Variants in ZSCAN5A observed in about 807,000 individuals in gnomAD.
ZSCAN5A encodes zinc finger and SCAN domain-containing protein 5A.
A neutral mutation model predicts 23.7 loss-of-function variants in ZSCAN5A; 12 were observed. The ratio of observed to expected loss-of-function variants is 0.51; its 90% CI spans 0.32 to 0.82. The LOEUF is 0.82. Ranked by LOEUF, ZSCAN5A falls within the 40% of genes least tolerant of loss-of-function variation. ZSCAN5A has a pLI of 0.03. For missense variants in ZSCAN5A, 597 were observed against 617.9 expected (o/e 0.97, Z 0.36); for synonymous variants, 257 against 239.9 (o/e 1.07, Z -0.66).
intron 2 of ZSCAN5A, among the ~76,000 whole-genome samples, chr19:56,264,353 C>G (rs944709532): frequency 5.3e-5 from 8 of 152,126 alleles, no homozygotes; most frequent in African/African-American, 1.9e-4. Flanking sequence ...GGGATTTACA[C>G]CTGGATCTGA....
At chr19:56,246,809 C>T in intron 2 of ZSCAN5A, 1 of 1,610,780 alleles carries the variant, frequency 6.2e-7, no homozygotes, top group Non-Finnish European at 8.5e-7. Context: ...GACACACCTT[C>T]TGCCTGCGTT....
In ZSCAN5A at chr19:56,346,258, G is replaced by T. The variant is rs1227152136; in HGVS notation, c.-358+16977C>A. Among the ~76,000 whole-genome samples the T allele has an allele frequency of 2.0e-5, 3 of 151,898 alleles. No individual in the cohort carries two copies. The East Asian group carries it at 5.8e-4, about 29-fold the overall frequency. ...CAAAAAACATTTAAGCAAAACAAAT[G>T]ATCACACAACTTATATGATTATGGA... On this transcript the variant is annotated intron_variant, in intron 2 of 6. Transcript: ENST00000587340.
At chr19:56,226,935 A>G (rs1275691865) in intron 2 of ZSCAN5A, among the ~76,000 whole-genome samples, 1 of 152,242 alleles carries the variant, frequency 6.6e-6, no homozygotes, top group African/African-American at 2.4e-5. Flanking sequence ...ATTACAAAAA[A>G]AAATTTAAAA....
intron 2 of ZSCAN5A, among the ~76,000 whole-genome samples, chr19:56,280,082 T>A (rs1444406940): frequency 6.6e-6 from 1 of 152,226 alleles, no homozygotes; most frequent in Non-Finnish European, 1.5e-5. Context: ...ATATTAATTA[T>A]TTCTTCCAGA....
chr19:56,260,910 T>C (rs939069611), intron 2 of ZSCAN5A, among the ~76,000 whole-genome samples: 2 of 152,156 alleles, frequency 1.3e-5, no homozygotes, highest in Admixed American at 6.6e-5. Context: ...ACTCATTTTA[T>C]AGAAATGGAA....
rs967193001 is a variant in ZSCAN5A at position 56,355,485 on chromosome 19, C to T, written c.-358+7750G>A. ...TTTTTTCCCAATTTTTACTGTTTTA[C>T]ACTGACTTAGCTGATGCTTAAAACA... On this transcript the variant is annotated intron_variant, in intron 2 of 6. Transcript: ENST00000587340. 4.1e-4 allele frequency among the ~76,000 whole-genome samples: 61 copies of T among 148,680 alleles called. 8 individuals are homozygous for T. Among genetic ancestry groups the T allele is most frequent in the African/African-American group, 1.5e-3 (58 of 39,512 alleles).
intron 2 of ZSCAN5A, among the ~76,000 whole-genome samples, chr19:56,303,806 CCGGG>C (rs2040500688): frequency 8.2e-6 from 1 of 121,742 alleles, no homozygotes; most frequent in Admixed American, 8.1e-5. Flanking sequence ...GCAGCCTTCC[CCGGG>C]CAGGTAACGT....
At chr19:56,263,328 A>G (rs1417511143) in intron 2 of ZSCAN5A, 1 of 152,210 alleles carries the variant, frequency 6.6e-6, no homozygotes, top group Admixed American at 6.5e-5. Context: ...TGTGCCAGGA[A>G]CATGTTATGT....
At chr19:56,365,708 T>C (rs961196655) in intron 1 of ZSCAN5A, 4 of 152,216 alleles carry the variant, frequency 2.6e-5, no homozygotes, top group African/African-American at 9.6e-5. Flanking sequence ...CAGAGAATGA[T>C]AACTTACCAG....
chr19:56,292,022 A>G (rs920175433), intron 2 of ZSCAN5A, among the ~76,000 whole-genome samples: 7 of 152,206 alleles, frequency 4.6e-5, no homozygotes, highest in Admixed American at 1.3e-4. Context: ...TATAAAGGTT[A>G]GGTAACTAGA....
intron 2 of ZSCAN5A, among the ~76,000 whole-genome samples, chr19:56,252,904 G>A (rs1019258329): frequency 6.6e-6 from 1 of 152,218 alleles, no homozygotes; most frequent in African/African-American, 2.4e-5. Flanking sequence ...CCCCATTCAC[G>A]TGGGGCTGAC....
At chr19:56,240,582 G>T (rs2163853) in intron 2 of ZSCAN5A, among the ~76,000 whole-genome samples, 92,079 of 151,992 alleles carry the variant, frequency 0.61, 28,325 homozygotes, top group Middle Eastern at 0.73. Flanking sequence ...GAGCTGGCAT[G>T]CAGGGGGGTT....
intron 2 of ZSCAN5A, among the ~76,000 whole-genome samples, chr19:56,286,040 G>C (rs2039090570): frequency 6.6e-6 from 1 of 152,080 alleles, no homozygotes; most frequent in African/African-American, 2.4e-5. Context: ...TATTTATTTA[G>C]AGACGGAGTC....
At chr19:56,302,806 CCT>C (rs1158293708) in intron 2 of ZSCAN5A, 7 of 398,544 alleles carry the variant, frequency 1.8e-5, no homozygotes, top group Admixed American at 4.4e-5. Flanking sequence ...ACTCATTCTG[CCT>C]CTCTCTCTGC....
chr19:56,279,469 TGAAAG>T (rs2038517896), intron 2 of ZSCAN5A, among the ~76,000 whole-genome samples: 1 of 152,168 alleles, frequency 6.6e-6, no homozygotes, highest in African/African-American at 2.4e-5. Context: ...TATTTCAGGT[TGAAAG>T]GAGATAAAAG....
intron 2 of ZSCAN5A, chr19:56,246,991 T>TA (rs759427824): frequency 2.3e-6 from 3 of 1,317,672 alleles, no homozygotes; most frequent in South Asian, 1.2e-5. Flanking sequence ...AAATTCAGTT[T>TA]ATTCCCCAGG....
rs895383954 is a variant in ZSCAN5A, at chr19:56,234,507, A to G, written c.-127-9334T>C. The stretch of plus-strand genomic sequence containing the variant: ...ACTCAATACCTGTTTTAAAAAAAAA[A>G]CAACAAGGAAGTAAAACCAAAGACA... On this transcript the variant is annotated intron_variant, in intron 2 of 5. Coordinates refer to ENST00000683990, the MANE Select transcript of ZSCAN5A (RefSeq NM_001322064.3). Among the ~76,000 whole-genome samples the G allele has an allele frequency of 1.1e-4, 17 of 151,952 alleles. 1 individual carries two copies. The highest frequency in any genetic ancestry group is 3.9e-4 in the Admixed American group (6 of 15,262).
chr19:56,305,370 T>G (rs1273227863), intron 2 of ZSCAN5A, among the ~76,000 whole-genome samples: 6 of 152,234 alleles, frequency 3.9e-5, no homozygotes, highest in African/African-American at 1.4e-4. Flanking sequence ...TTTATTCATT[T>G]GGCATAATAT....
chr19:56,239,982 T>C (rs201264729), intron 2 of ZSCAN5A, among the ~76,000 whole-genome samples: 10 of 151,958 alleles, frequency 6.6e-5, no homozygotes, highest in Admixed American at 3.9e-4. Context: ...GCCAACATGG[T>C]GAAACCCCGT....
Sources: allele counts gnomAD v4.1 joint callset (sites outside exome capture counted in the v4.1 genomes callset), GRCh38; gene constraint gnomAD v4.1.1; transcripts MANE v1.5; gene names NCBI Gene and HGNC (gene_info 2026-07-23, HGNC 2026-07-21).